The following XRCC6 variants were observed in gnomAD, a reference collection of about 807,000 sequenced individuals.
The protein encoded by XRCC6 is DNA repair protein Ku70.
Under a neutral mutation model 65.7 loss-of-function variants are expected in XRCC6, and 5 were observed. The ratio of observed to expected loss-of-function variants is 0.08; its 90% CI spans 0.04 to 0.16. XRCC6 has a LOEUF of 0.16. Ranked by LOEUF, XRCC6 falls within the 10% of genes least tolerant of loss-of-function variation. The pLI is 1.00. For missense variants in XRCC6, 447 were observed against 738.1 expected, an observed-to-expected ratio of 0.61 and a Z score of 4.57; for synonymous variants, 270 against 270.6, an observed-to-expected ratio of 1.00 and a Z score of 0.02.
chr22:41,652,738 G>C (rs969319788), intron 8 of XRCC6, among the ~76,000 whole-genome samples: 2 of 152,098 alleles, frequency 1.3e-5, no homozygotes, highest in African/African-American at 4.8e-5. Flanking sequence ...CAGTGGCAAT[G>C]TCTCTGCTCT....
At chr22:41,622,226 C>G (rs2067616129) in intron 2 of XRCC6, 140 bp downstream of exon 2, 1 of 908,848 alleles carries the variant, frequency 1.1e-6, no homozygotes, top group African/African-American at 1.7e-5. Flanking sequence ...TTCCTTTGAA[C>G]TTCGCAGAGC....
chr22:41,621,696 A>C (rs2067607187), intron 1 of XRCC6: 1 of 394,952 alleles, frequency 2.5e-6, no homozygotes, highest in South Asian at 2.7e-5. Context: ...AGAATCCTGG[A>C]GCGGGAATCC....
chr22:41,622,991 A>G (rs1477865330), intron 2 of XRCC6, among the ~76,000 whole-genome samples: 10 of 152,002 alleles, frequency 6.6e-5, no homozygotes, highest in Admixed American at 6.6e-4. Context: ...AAAGAAAAAA[A>G]TTTGCTATAA....
At chr22:41,632,173 G>A (rs995519847) in intron 3 of XRCC6, among the ~76,000 whole-genome samples, 1 of 149,500 alleles carries the variant, frequency 6.7e-6, no homozygotes, top group Non-Finnish European at 1.5e-5. Context: ...AGAGGGATAG[G>A]GAGAGGGAGA....
intron 9 of XRCC6, among the ~76,000 whole-genome samples, chr22:41,655,969 C>T (rs1176994926): frequency 6.6e-6 from 1 of 151,844 alleles, no homozygotes; most frequent in Non-Finnish European, 1.5e-5. Flanking sequence ...TGGCTAATGC[C>T]TGTAATCTTA....
In XRCC6 at chr22:41,628,177, A is replaced by G; in HGVS notation, c.142A>G (p.Met48Val). The G allele has an allele frequency of 6.2e-7, 1 of 1,614,028 alleles. No individual in the cohort carries two copies. The highest frequency in any genetic ancestry group is 8.5e-7 in the Non-Finnish European group (1 of 1,179,950). Residue 48 changes from methionine (M) to valine (V), a missense_variant, in exon 3 of 13, where the codon ATG becomes GTG. By Grantham distance (21) the Met-to-Val change is conservative. Around this residue, in one of 4 missense-constraint regions of XRCC6, gnomAD observed 228 missense variants for 307.4 expected, o/e 0.74. Transcript: ENST00000360079. ...LIFLVDASKAMFESQSEDELT... is the reference protein window; with the variant it reads ...LIFLVDASKAVFESQSEDELT... ...TTTTTTGGTTGATGCCTCCAAGGCT[A>G]TGTTTGAATCTCAGAGTGAAGATGA...
At chr22:41,654,364 G>A (rs550281586) in intron 9 of XRCC6, among the ~76,000 whole-genome samples, 13 of 152,134 alleles carry the variant, frequency 8.5e-5, no homozygotes, top group South Asian at 2.1e-4. Flanking sequence ...CTAAGCTATT[G>A]TATCTCAGCT....
intron 7 of XRCC6, among the ~76,000 whole-genome samples, chr22:41,649,751 G>C (rs28384754): frequency 1.5e-4 from 23 of 151,972 alleles, no homozygotes; most frequent in African/African-American, 5.3e-4. Context: ...GCTACTCGTG[G>C]GGCTGAGGCA....
chr22:41,653,406 A>G (rs1173808203), intron 8 of XRCC6, 123 bp from the exon 9 acceptor site: 1 of 948,528 alleles, frequency 1.1e-6, no homozygotes, highest in African/African-American at 1.7e-5. Context: ...CCCGTCTCAA[A>G]TAAATAAATA....
At chr22:41,631,999 G>A (rs909648608) in intron 3 of XRCC6, among the ~76,000 whole-genome samples, 3 of 152,282 alleles carry the variant, frequency 2.0e-5, no homozygotes, top group South Asian at 2.1e-4. Context: ...GTGGCGGCAC[G>A]CGCCTGCAAT....
chr22:41,626,090 G>A (rs935207223), intron 2 of XRCC6, among the ~76,000 whole-genome samples: 6 of 151,650 alleles, frequency 4.0e-5, no homozygotes, highest in African/African-American at 1.2e-4. Context: ...CACATGTCTC[G>A]GCCTCTGAAG....
chr22:41,621,826 G>T, intron 1 of XRCC6, 164 bp from the exon 2 acceptor site: 1 of 613,680 alleles, frequency 1.6e-6, no homozygotes, highest in East Asian at 2.9e-5. Flanking sequence ...GCCCCCATGC[G>T]CATTTACATG....
chr22:41,645,537 A>G (rs918364433), intron 6 of XRCC6, among the ~76,000 whole-genome samples: 5 of 152,080 alleles, frequency 3.3e-5, no homozygotes, highest in Admixed American at 3.3e-4. Flanking sequence ...AGGGTCAGAT[A>G]TGCCCACCAC....
intron 2 of XRCC6, among the ~76,000 whole-genome samples, chr22:41,624,122 C>T (rs902033165): frequency 9.9e-5 from 15 of 152,044 alleles, no homozygotes; most frequent in South Asian, 6.2e-4. Flanking sequence ...TGGTGGCTCA[C>T]GCCTGTAATC....
At position 41,646,167 on chromosome 22, in the gene XRCC6, G is replaced by T. The variant is rs1227433829; in HGVS notation, c.774-729G>T. 2.0e-5 allele frequency among the ~76,000 whole-genome samples: 3 copies of T among 152,006 alleles called. No individual in the cohort carries two copies. The East Asian group carries it at 5.8e-4, about 29-fold the overall frequency. ...AATAAAAAGAAATTAGCTGGGTGTC[G>T]TGGCAGGTGCCTGTAATCCCAGCCA... On this transcript the variant is annotated intron_variant, in intron 6 of 12. Transcript: ENST00000360079.
At chr22:41,651,100 C>T (rs1045473498) in intron 8 of XRCC6, among the ~76,000 whole-genome samples, 3 of 152,104 alleles carry the variant, frequency 2.0e-5, no homozygotes, top group Non-Finnish European at 2.9e-5. Context: ...GAGGTCAGGA[C>T]GAGCCTGGCC....
Position 41,650,894 on chromosome 22 carries a change from A to G in XRCC6, c.1129+3A>G. 6.2e-7 allele frequency: 1 copy of G among 1,614,112 alleles called. No individual in the cohort carries two copies. Among genetic ancestry groups the G allele is most frequent in the Non-Finnish European group, 8.5e-7 (1 of 1,179,986 alleles). ...CCCAGAGGAGTCGCTGGTGATTGGT[A>G]AGTAGCGTGGACCATGGATGAGTGA... On this transcript the variant is annotated splice_donor_region_variant and intron_variant, in intron 8 of 12. Transcript: ENST00000360079.
chr22:41,649,126 C>CAAAAAAAAA (rs1335320703), intron 7 of XRCC6, among the ~76,000 whole-genome samples: 45 of 90,220 alleles, frequency 5.0e-4, no homozygotes, highest in African/African-American at 1.9e-3. Context: ...GAAGAGAGTA[C>CAAAAAAAAA]AAAAAAAAAA....
At position 41,658,329 on chromosome 22, in the gene XRCC6, C is replaced by G; in HGVS notation, c.1499C>G (p.Pro500Arg). The G allele has an allele frequency of 1.2e-6, 2 of 1,614,046 alleles. No individual in the cohort carries two copies. Among genetic ancestry groups the G allele is most frequent in the South Asian group, 1.1e-5 (1 of 91,072 alleles). Reference protein sequence around the residue: ...LEALALDLMEPEQAVDLTLPK... With the variant: ...LEALALDLMEREQAVDLTLPK... ...GCCTTGGCCTTGGATTTGATGGAGC[C>G]GGAACAAGCAGTGGACCTGACATGT... is the stretch of plus-strand genomic sequence containing the variant. Residue 500 changes from proline (P) to arginine (R), a missense_variant, in exon 11 of 13, where the codon CCG becomes CGG. Transcript: ENST00000360079.
Sources: gnomAD v4.1 joint callset for allele counts (sites outside exome capture counted in the v4.1 genomes callset) on GRCh38, gnomAD v4.1.1 for gene constraint, gnomAD v4.1.1 regional missense constraint, MANE v1.5 for transcripts, NCBI Gene and HGNC (gene_info 2026-07-23, HGNC 2026-07-21) for gene names.